FAM131C: variants seen among roughly 807,000 people sequenced by gnomAD.
FAM131C encodes the protein protein FAM131C.
A neutral mutation model predicts 29.8 loss-of-function variants in FAM131C; 14 were observed. The ratio of observed to expected loss-of-function variants is 0.47; its 90% CI spans 0.31 to 0.73. The LOEUF (loss-of-function observed/expected upper bound fraction) is 0.73. FAM131C is among the 30% of genes least tolerant of loss of function. The probability of loss-of-function intolerance (pLI) is 0.05; values close to 1 mark genes in which losing one functional copy is unlikely to be tolerated. For synonymous variants in FAM131C, 86 were observed against 157.8 expected (o/e 0.54, Z 3.41); for missense variants, 252 against 383.8 (o/e 0.66, Z 2.87).
At chr1:16,062,263 C>G in intron 3 of FAM131C, 71 bp from the exon 4 acceptor site, 1 of 921,828 alleles carries the variant, frequency 1.1e-6, no homozygotes, top group Non-Finnish European at 1.5e-6. Context: ...AGCACCACCA[C>G]CCATCCCCGT....
At chr1:16,059,189 A>G (rs1324465911) in intron 6 of FAM131C, among the ~76,000 whole-genome samples, 12 of 147,268 alleles carry the variant, frequency 8.1e-5, no homozygotes, top group African/African-American at 2.7e-4. Context: ...CTTATTTGTA[A>G]AATGGGGACA....
At chr1:16,069,395 C>T (rs950781659) in intron 1 of FAM131C, among the ~76,000 whole-genome samples, 1 of 152,182 alleles carries the variant, frequency 6.6e-6, no homozygotes, top group South Asian at 2.1e-4. Flanking sequence ...TGGCTCTGGT[C>T]GGCCCCCTTA....
At chr1:16,063,048 T>C (rs182042541) in intron 2 of FAM131C, among the ~76,000 whole-genome samples, 1 of 143,236 alleles carries the variant, frequency 7.0e-6, no homozygotes, top group Non-Finnish European at 1.5e-5. Flanking sequence ...TGGGGTCCCT[T>C]GTGACCCTTA....
chr1:16,059,488 C>T lies in FAM131C; in HGVS notation c.562+6G>A, dbSNP rs750835413. 1.2e-6 allele frequency: 2 copies of T among 1,611,064 alleles called. No individual in the cohort carries two copies. The highest frequency in any genetic ancestry group is 1.7e-6 in the Non-Finnish European group (2 of 1,178,660). ...ACCCCCGCCCCCTGGACCCTCTGGG[C>T]TGTACCTTGGAGCTGGACGATGCCT... On this transcript the variant is annotated splice_donor_region_variant and intron_variant, in intron 6 of 6. Coordinates refer to ENST00000375662, the MANE Select transcript of FAM131C (RefSeq NM_182623.3).
chr1:16,060,712 C>T (rs991594465), intron 4 of FAM131C, among the ~76,000 whole-genome samples: 4 of 152,120 alleles, frequency 2.6e-5, no homozygotes, highest in Non-Finnish European at 5.9e-5. Context: ...TGGGGTGAAA[C>T]ATGGGGTCCA....
intron 1 of FAM131C, among the ~76,000 whole-genome samples, 183 bp downstream of exon 1, chr1:16,073,238 C>T (rs2023775850): frequency 6.6e-6 from 1 of 152,062 alleles, no homozygotes; most frequent in Non-Finnish European, 1.5e-5. Context: ...CACGTGCGCT[C>T]TCTGCGCTGC....
intron 1 of FAM131C, among the ~76,000 whole-genome samples, chr1:16,071,254 T>G (rs2023745983): frequency 6.6e-6 from 1 of 152,240 alleles, no homozygotes; most frequent in South Asian, 2.1e-4. Context: ...GAGGGCTGGC[T>G]GTGAGTGCAG....
rs375255240 is a variant in FAM131C, at chr1:16,059,901, G to A, written c.419C>T (p.Pro140Leu). The A allele has an allele frequency of 1.4e-5, 19 of 1,333,556 alleles. No individual in the cohort carries two copies. The highest frequency in any genetic ancestry group is 5.3e-4 in the Middle Eastern group (2 of 3,798). The allele number at this position is 1,333,556 out of a possible 1,614,324, so 82.6% of individuals were successfully genotyped here. ...AAAGCGGGCCTCACGCAGCTCATCC[G>A]GGAGGCAGCAGTAATGCTCGTCCTC... ...PAEDEHYCCL[P>L]DELREARFAA... is the part of the protein sequence containing the mutation. Residue 140 changes from proline (P) to leucine (L), a missense_variant, in exon 5 of 7, where the codon CCG becomes CTG. Pro to Leu is a moderately conservative substitution (Grantham distance 98). Coordinates refer to ENST00000375662, the MANE Select transcript of FAM131C (RefSeq NM_182623.3).
intron 1 of FAM131C, among the ~76,000 whole-genome samples, chr1:16,069,908 C>G (rs1052345476): frequency 6.6e-6 from 1 of 152,116 alleles, no homozygotes; most frequent in Admixed American, 6.5e-5. Flanking sequence ...ACTACCAGCA[C>G]ACACCACCAC....
At chr1:16,059,320 G>A (rs2019456) in intron 6 of FAM131C, among the ~76,000 whole-genome samples, 174 bp downstream of exon 6, 33,380 of 146,948 alleles carry the variant, frequency 0.23, 2,083 homozygotes, top group Admixed American at 0.33. Flanking sequence ...CCTGCTCCTG[G>A]CACTGCCGGG....
Position 16,062,057 on chromosome 1 carries a change from C to T in FAM131C, c.268+42G>A, listed in dbSNP as rs766312828. 1.7e-5 allele frequency: 27 copies of T among 1,595,968 alleles called. No homozygotes were observed. In the African/African-American group the frequency reaches 1.9e-4, roughly 11 times the overall value. On this transcript the variant is annotated intron_variant, in intron 4 of 6. Transcript: ENST00000375662. ...CCACAGCCAGGGTCTAGGGTGGGAC[C>T]GTGCATTCTCCACCGGCAGGAGAGT... is the stretch of plus-strand genomic sequence containing the variant.
In FAM131C at chr1:16,058,264, G is replaced by A. The variant is rs1405908206; in HGVS notation, c.*173C>T. ...CTCCCACTGCTGGGGCAGGTCCACC[G>A]AGGCACAGAGAGGCCACCATGAGCA... On this transcript the variant is annotated 3_prime_UTR_variant, in exon 7 of 7. Coordinates refer to ENST00000375662, the MANE Select transcript of FAM131C (RefSeq NM_182623.3). The A allele has an allele frequency of 5.5e-5, 27 of 491,282 alleles. No individual in the cohort carries two copies. Among genetic ancestry groups the A allele is most frequent in the Non-Finnish European group, 8.3e-5 (24 of 289,876 alleles). 30.4% of individuals were successfully genotyped at this position (491,282 alleles called of 1,614,324 possible).
At position 16,063,582 on chromosome 1, in the gene FAM131C, A is replaced by T. The variant is rs778345976; in HGVS notation, c.77T>A (p.Leu26Ter). The change falls in exon 2 of 7, where the codon TTG becomes TAG. Residue 26 changes from leucine to a stop codon, truncating the protein, a stop_gained. Coordinates refer to ENST00000375662, the MANE Select transcript of FAM131C (RefSeq NM_182623.3). LOFTEE classifies it high-confidence loss of function. ...GCGGCCCGAGGGCAGATCTGGGTTC[A>T]AGGGGTCCGCACCCTGGGGCATGGG... Reference protein sequence around the residue: ...NCPMPQGADPLNPDLPSGRTP... With the variant: ...NCPMPQGADP 1 of 1,613,808 alleles carries T rather than the reference A, an allele frequency of 6.2e-7. No individual in the cohort carries two copies. Among genetic ancestry groups the T allele is most frequent in the Admixed American group, 1.7e-5 (1 of 59,986 alleles).
rs141493182 is a variant in FAM131C, at chr1:16,059,496, T to C, written c.560A>G (p.Gln187Arg). 4.0e-3 allele frequency: 6,462 copies of C among 1,610,706 alleles called. 100 individuals carry two copies. The African/African-American group carries it at 0.047, about 12-fold the overall frequency. Residue 187 changes from glutamine (Q) to arginine (R), a missense_variant and splice_region_variant, in exon 6 of 7, where the codon CAA (glutamine) becomes CGA (arginine). By Grantham distance (43) the Gln-to-Arg change is conservative. This residue lies in a region of FAM131C where 33 missense variants were observed against 54.0 expected (regional missense o/e 0.61). Transcript: ENST00000375662. The part of the protein sequence containing the change: ...ENSPQGIVQL[Q>R]DLESIYLQDS... Reference sequence around the variant, plus strand: ...CCCCTGGACCCTCTGGGCTGTACCTTGGAGCTGGACGATGCCTTGGGGGCT... The same window carrying C: ...CCCCTGGACCCTCTGGGCTGTACCTCGGAGCTGGACGATGCCTTGGGGGCT...
intron 1 of FAM131C, among the ~76,000 whole-genome samples, chr1:16,064,197 T>G (rs2124129966): frequency 6.6e-6 from 1 of 152,192 alleles, no homozygotes; most frequent in Non-Finnish European, 1.5e-5. Context: ...CCTGCCAGGT[T>G]GACAGCTTCA....
chr1:16,073,128 G>T (rs1283170847), intron 1 of FAM131C, among the ~76,000 whole-genome samples: 1 of 152,092 alleles, frequency 6.6e-6, no homozygotes, highest in Non-Finnish European at 1.5e-5. Context: ...CACCCGGCAG[G>T]GGGTGTGTGG....
intron 4 of FAM131C, among the ~76,000 whole-genome samples, chr1:16,061,788 G>A (rs1390561665): frequency 6.6e-6 from 1 of 151,640 alleles, no homozygotes; most frequent in Admixed American, 6.6e-5. Context: ...TGCTTCCAGG[G>A]AACCTGAACT....
intron 1 of FAM131C, among the ~76,000 whole-genome samples, chr1:16,064,263 C>G (rs1240808384): frequency 6.6e-6 from 1 of 152,158 alleles, no homozygotes; most frequent in Non-Finnish European, 1.5e-5. Flanking sequence ...CCACACACTG[C>G]TGGGGGCTTC....
chr1:16,062,214 G>C (rs28570004), intron 3 of FAM131C, 22 bp from the exon 4 acceptor site: 107,129 of 1,505,756 alleles, frequency 0.071, 7 homozygotes, highest in Non-Finnish European at 0.087. Flanking sequence ...GGCAGGAGGA[G>C]TGAGCAGGGT....
Sources: allele counts gnomAD v4.1 joint callset (sites outside exome capture counted in the v4.1 genomes callset), GRCh38; gene constraint gnomAD v4.1.1; regional missense constraint gnomAD v4.1.1; transcripts MANE v1.5; gene names NCBI Gene and HGNC (gene_info 2026-07-23, HGNC 2026-07-21).